CREB5: variants seen among roughly 807,000 people sequenced by gnomAD.
The protein encoded by CREB5 is cAMP responsive element binding protein 5.
Under a neutral mutation model 57.1 loss-of-function variants are expected in CREB5, and 19 were observed. The ratio of observed to expected loss-of-function variants is 0.33; its 90% CI spans 0.23 to 0.49. The LOEUF (loss-of-function observed/expected upper bound fraction) is 0.49, where lower values mean the gene tolerates loss of function less well. Among genes scored for constraint, CREB5 ranks in the 20% least tolerant of loss-of-function variants. CREB5 has a pLI of 0.99. For missense variants in CREB5, 579 were observed against 671.6 expected, an observed-to-expected ratio of 0.86 and a Z score of 1.52; for synonymous variants, 238 against 238.3, an observed-to-expected ratio of 1.00 and a Z score of 0.01.
intron 7 of CREB5, among the ~76,000 whole-genome samples, chr7:28,753,651 C>T (rs1457437381): frequency 1.3e-5 from 2 of 152,046 alleles, no homozygotes; most frequent in Non-Finnish European, 2.9e-5. Flanking sequence ...TTGAAAGAAA[C>T]TAAATGGCAT....
At chr7:28,560,975 T>TGCGTGCGC (rs1270769785) in intron 4 of CREB5, among the ~76,000 whole-genome samples, 1 of 23,408 alleles carries the variant, frequency 4.3e-5, no homozygotes, top group African/African-American at 9.4e-5. Flanking sequence ...TGTGTGTGCG[T>TGCGTGCGC]GTGTGCGTGC....
intron 1 of CREB5, among the ~76,000 whole-genome samples, chr7:28,327,510 A>G (rs1326726493): frequency 6.6e-6 from 1 of 152,222 alleles, no homozygotes; most frequent in Non-Finnish European, 1.5e-5. Flanking sequence ...ATTAAAATTC[A>G]TTTATATAAC....
chr7:28,599,742 T>TTGTTA (rs1287137106), intron 5 of CREB5, among the ~76,000 whole-genome samples: 1 of 2,786 alleles, frequency 3.6e-4, no homozygotes, highest in African/African-American at 3.9e-4. Context: ...TTGTTTTGTT[T>TTGTTA]TGTTTTGTTT....
intron 7 of CREB5, among the ~76,000 whole-genome samples, chr7:28,782,784 C>A (rs1166155794): frequency 6.6e-6 from 1 of 152,114 alleles, no homozygotes; most frequent in African/African-American, 2.4e-5. Context: ...AACCAATGAG[C>A]CAAAAACTGA....
chr7:28,454,090 A>G (rs1052949121), intron 1 of CREB5, among the ~76,000 whole-genome samples: 3 of 151,658 alleles, frequency 2.0e-5, no homozygotes, highest in Non-Finnish European at 4.4e-5. Flanking sequence ...AGTAGCTGGG[A>G]CTACAGGCAC....
intron 1 of CREB5, among the ~76,000 whole-genome samples, chr7:28,430,173 GTA>G (rs1562710846): frequency 5.9e-5 from 9 of 152,206 alleles, no homozygotes; most frequent in African/African-American, 1.9e-4. Flanking sequence ...CATTACACAT[GTA>G]TGTACAGACA....
chr7:28,590,274 A>G (rs1340183325), intron 5 of CREB5, among the ~76,000 whole-genome samples: 1 of 152,142 alleles, frequency 6.6e-6, no homozygotes, highest in Non-Finnish European at 1.5e-5. Context: ...ACTTGGAACC[A>G]ACCCAAATGT....
intron 7 of CREB5, among the ~76,000 whole-genome samples, chr7:28,775,062 A>G (rs749680980): frequency 1.1e-4 from 16 of 152,216 alleles, no homozygotes; most frequent in Admixed American, 5.2e-4. Context: ...TTTCGGCACT[A>G]TAATTCATGA....
intron 3 of CREB5, among the ~76,000 whole-genome samples, chr7:28,497,164 TGTAA>T (rs1263426704): frequency 2.0e-5 from 3 of 152,226 alleles, no homozygotes; most frequent in Non-Finnish European, 2.9e-5. Context: ...ACTACTACAG[TGTAA>T]GTACCAGACA....
chr7:28,666,262 C>A lies in CREB5; in HGVS notation c.465-52491C>A, dbSNP rs571083722. ...AGGGATATTTAATGTTCTGTGCCCA[C>A]CCCTTATAAATGTATATGACTCAAT... On this transcript the variant is annotated intron_variant, in intron 5 of 10. Coordinates refer to ENST00000357727, the MANE Select transcript of CREB5 (RefSeq NM_182898.4). Among the ~76,000 whole-genome samples the A allele has an allele frequency of 1.3e-3, 201 of 152,290 alleles. 1 individual carries two copies. The highest frequency in any genetic ancestry group is 4.6e-3 in the African/African-American group (192 of 41,554).
intron 7 of CREB5, among the ~76,000 whole-genome samples, chr7:28,754,508 G>A (rs949881771): frequency 6.6e-6 from 1 of 152,144 alleles, no homozygotes; most frequent in African/African-American, 2.4e-5. Context: ...ATGAGGGATC[G>A]CTGCTGTAGT....
intron 4 of CREB5, among the ~76,000 whole-genome samples, chr7:28,560,865 C>CGTGTGTGTGTG (rs1491128731): frequency 6.7e-5 from 1 of 14,818 alleles, no homozygotes; most frequent in African/African-American, 3.1e-4. Flanking sequence ...TGTGCGTGTG[C>CGTGTGTGTGTG]CTGCGTGCGC....
intron 1 of CREB5, among the ~76,000 whole-genome samples, chr7:28,438,866 G>T (rs1463868055): frequency 6.6e-6 from 1 of 152,120 alleles, no homozygotes; most frequent in Non-Finnish European, 1.5e-5. Context: ...TACAAATGTT[G>T]CTTCCAACAG....
intron 1 of CREB5, among the ~76,000 whole-genome samples, chr7:28,316,271 A>C (rs1039669273): frequency 1.3e-5 from 2 of 151,990 alleles, no homozygotes; most frequent in Admixed American, 6.6e-5. Flanking sequence ...TCAGTGGGTG[A>C]TTTTCAGACA....
In CREB5 at chr7:28,455,357, G is replaced by A. The variant is rs56111572; in HGVS notation, c.4-32818G>A. Among the ~76,000 whole-genome samples the A allele has an allele frequency of 6.3e-3, 963 of 152,274 alleles. 5 individuals are homozygous for A. Among genetic ancestry groups the A allele is most frequent in the Non-Finnish European group, 0.01 (706 of 68,010 alleles). The stretch of plus-strand genomic sequence containing the variant: ...GATTTGGGAGTGGAACAAGGGTGAA[G>A]GTGGGAGGCTCAGAAATTTCCTCAT... On this transcript the variant is annotated intron_variant, in intron 1 of 10. Transcript: ENST00000357727.
At chr7:28,653,483 C>T (rs988761526) in intron 5 of CREB5, among the ~76,000 whole-genome samples, 2 of 152,134 alleles carry the variant, frequency 1.3e-5, no homozygotes, top group Admixed American at 1.3e-4. Flanking sequence ...TAGCTATTTC[C>T]ATGCTAGCCA....
At chr7:28,805,064 T>G (rs1013168471) in intron 8 of CREB5, among the ~76,000 whole-genome samples, 2 of 152,132 alleles carry the variant, frequency 1.3e-5, no homozygotes. Context: ...TCATGGATGC[T>G]AGGGCGTAAG....
chr7:28,603,033 C>T (rs1197023083), intron 5 of CREB5, among the ~76,000 whole-genome samples: 1 of 152,138 alleles, frequency 6.6e-6, no homozygotes, highest in Non-Finnish European at 1.5e-5. Flanking sequence ...ATAATTTTCT[C>T]CAAATAAAAA....
upstream of CREB5, among the ~76,000 whole-genome samples, chr7:28,411,001 G>A (rs375036644): frequency 5.3e-5 from 8 of 152,250 alleles, no homozygotes; most frequent in East Asian, 7.7e-4. Flanking sequence ...TTTCCCTGGG[G>A]CGAGCACGGT....
Sources: allele counts gnomAD v4.1 joint callset (sites outside exome capture counted in the v4.1 genomes callset), GRCh38; gene constraint gnomAD v4.1.1; transcripts MANE v1.5; gene names NCBI Gene and HGNC (gene_info 2026-07-23, HGNC 2026-07-21).